TOP1: variants seen among roughly 807,000 people sequenced by gnomAD.
The protein encoded by TOP1 is DNA topoisomerase 1.
TOP1 carries 10 observed loss-of-function variants against 111.1 expected under a neutral mutation model. The ratio of observed to expected loss-of-function variants is 0.09; its 90% CI spans 0.06 to 0.15. The LOEUF (loss-of-function observed/expected upper bound fraction) is 0.15, where lower values mean the gene tolerates loss of function less well. Among genes scored for constraint, TOP1 ranks in the 10% least tolerant of loss-of-function variants. The pLI, the probability that TOP1 is intolerant of heterozygous loss-of-function variation, is 1.00. For missense variants in TOP1, 474 were observed against 926.7 expected (o/e 0.51, Z 6.34); for synonymous variants, 271 against 302.9 (o/e 0.89, Z 1.10).
At chr20:41,068,289 G>A (rs1032803567) in intron 3 of TOP1, among the ~76,000 whole-genome samples, 1 of 152,136 alleles carries the variant, frequency 6.6e-6, no homozygotes, top group Non-Finnish European at 1.5e-5. Context: ...TCTTTCTCTT[G>A]TCTGGCCTGT....
chr20:41,062,116 T>C (rs1162704183), intron 3 of TOP1, among the ~76,000 whole-genome samples: 2 of 152,194 alleles, frequency 1.3e-5, no homozygotes, highest in East Asian at 3.8e-4. Flanking sequence ...ATTTTTTTGG[T>C]GTAGGAGGCA....
chr20:41,086,478 A>C (rs1465456445), intron 8 of TOP1, among the ~76,000 whole-genome samples: 1 of 152,182 alleles, frequency 6.6e-6, no homozygotes, highest in Non-Finnish European at 1.5e-5. Context: ...TTACTCAATA[A>C]ATGCTTGTTA....
Position 41,121,609 on chromosome 20 carries a change from G to A in TOP1, c.1951-87G>A. Reference sequence around the variant, plus strand: ...GACAAACCACTGACAGAGACAGCCTGGTCCAGATAACATCTTGGTTTCACC... The same window carrying A: ...GACAAACCACTGACAGAGACAGCCTAGTCCAGATAACATCTTGGTTTCACC... On this transcript the variant is annotated intron_variant, in intron 18 of 20. Transcript: ENST00000361337. The surrounding 1 kb of genome is among the most constrained non-coding windows in gnomAD (Gnocchi z 4.2). 1 of 1,007,708 alleles carries A rather than the reference G, an allele frequency of 9.9e-7. No individual in the cohort carries two copies. The highest frequency in any genetic ancestry group is 1.6e-6 in the Non-Finnish European group (1 of 633,256). The allele number at this position is 1,007,708 out of a possible 1,614,324, so 62.4% of individuals were successfully genotyped here.
In TOP1 at chr20:41,106,676, A is replaced by G. The variant is rs1203130780; in HGVS notation, c.1308+5323A>G. Reference sequence around the variant, plus strand: ...GCTAATGTGAATGAGATTTTTTTCCATTATGTTTCTGTTGGTTATTCCTGA... The same window carrying G: ...GCTAATGTGAATGAGATTTTTTTCCGTTATGTTTCTGTTGGTTATTCCTGA... On this transcript the variant is annotated intron_variant, in intron 13 of 20. Coordinates refer to ENST00000361337, the MANE Select transcript of TOP1 (RefSeq NM_003286.4). This position sits in a 1 kb window ranked among gnomAD's most constrained non-coding sequence, Gnocchi z 4.3. Among the ~76,000 whole-genome samples, 2 of 151,814 alleles carry G rather than the reference A, an allele frequency of 1.3e-5. No individual in the cohort carries two copies. The highest frequency in any genetic ancestry group is 4.8e-5 in the African/African-American group (2 of 41,332).
Position 41,082,553 on chromosome 20 carries a change from C to A in TOP1, c.507+1313C>A, listed in dbSNP as rs1348752440. ...CCTCCCCTGGGACTTTGCTGATGCT[C>A]TAATTCTGCAAGGAGGGAGAAGAAA... On this transcript the variant is annotated intron_variant, in intron 7 of 20. Transcript: ENST00000361337. This position sits in a 1 kb window ranked among gnomAD's most constrained non-coding sequence, Gnocchi z 4.1. 2.0e-5 allele frequency among the ~76,000 whole-genome samples: 3 copies of A among 152,166 alleles called. No individual in the cohort carries two copies. Among genetic ancestry groups the A allele is most frequent in the Non-Finnish European group, 4.4e-5 (3 of 68,026 alleles).
rs2033075512 is a variant in TOP1 at position 41,028,908 on chromosome 20, C to A, written c.-160C>A. ...TCAGGCAGCGTCGCCGCCGTGGTAG[C>A]AGCCTCAGCCGTTTCTGGAGTCTCG... On this transcript the variant is annotated 5_prime_UTR_variant, in exon 1 of 21. Transcript: ENST00000361337. 1 of 589,606 alleles carries A rather than the reference C, an allele frequency of 1.7e-6. No individual in the cohort carries two copies. The highest frequency in any genetic ancestry group is 2.9e-6 in the Non-Finnish European group (1 of 340,870). 36.5% of individuals were successfully genotyped at this position (589,606 alleles called of 1,614,324 possible).
Position 41,029,496 on chromosome 20 carries a change from G to T in TOP1, c.58+41G>T. On this transcript the variant is annotated intron_variant, in intron 2 of 20. Coordinates refer to ENST00000361337, the MANE Select transcript of TOP1 (RefSeq NM_003286.4). The surrounding 1 kb of genome is among the most constrained non-coding windows in gnomAD (Gnocchi z 6.1). ...GCGCCGACTCCGGGGCCCCCCAGCC[G>T]CCGGCCGCCTCCCCCGCGCCCTGCC... The T allele has an allele frequency of 6.6e-7, 1 of 1,522,072 alleles. No homozygotes were observed. The highest frequency in any genetic ancestry group is 8.9e-7 in the Non-Finnish European group (1 of 1,125,306). 94.3% of individuals were successfully genotyped at this position (1,522,072 alleles called of 1,614,324 possible).
chr20:41,113,929 C>T, intron 14 of TOP1, 41 bp from the exon 15 acceptor site: 1 of 1,319,844 alleles, frequency 7.6e-7, no homozygotes, highest in Non-Finnish European at 1.1e-6. Flanking sequence ...AGGATCATGT[C>T]TCTTCCATTC....
intron 3 of TOP1, among the ~76,000 whole-genome samples, chr20:41,065,994 G>A (rs2033602018): frequency 6.6e-6 from 1 of 152,130 alleles, no homozygotes; most frequent in Admixed American, 6.5e-5. Context: ...CTTTGACCGT[G>A]AACAGTATCA....
At position 41,095,586 on chromosome 20, in the gene TOP1, C is replaced by T. The variant is rs2033971765; in HGVS notation, c.731-1634C>T. On this transcript the variant is annotated intron_variant, in intron 9 of 20. Transcript: ENST00000361337. The surrounding 1 kb of genome is among the most constrained non-coding windows in gnomAD (Gnocchi z 4.6). ...ACCTGTTGGCCTTTTAAGTTAATGG[C>T]GTCCAAAGTGGGTTCTTTCTATTAT... 1.3e-5 allele frequency among the ~76,000 whole-genome samples: 2 copies of T among 152,136 alleles called. No individual in the cohort carries two copies. Among genetic ancestry groups the T allele is most frequent in the African/African-American group, 4.8e-5 (2 of 41,422 alleles).
intron 2 of TOP1, among the ~76,000 whole-genome samples, chr20:41,041,030 A>G (rs2122595488): frequency 6.6e-6 from 1 of 152,232 alleles, no homozygotes; most frequent in East Asian, 1.9e-4. Context: ...TGGCATAGTC[A>G]CAGATACTCC....
intron 2 of TOP1, among the ~76,000 whole-genome samples, chr20:41,059,409 A>AAAATTAAT (rs2033515373): frequency 7.2e-6 from 1 of 138,044 alleles, no homozygotes; most frequent in Non-Finnish European, 1.6e-5. Context: ...AAACTGCTAG[A>AAAATTAAT]AAATAAATAA....
At position 41,099,487 on chromosome 20, in the gene TOP1, A is replaced by G. The variant is rs377668527; in HGVS notation, c.976-569A>G. ...AGCACAACTTAGTTAAACTGAATCAATAAGTATATAAAACGCAGAGTCAAT... is the reference window on the plus strand; with the variant it reads ...AGCACAACTTAGTTAAACTGAATCAGTAAGTATATAAAACGCAGAGTCAAT... On this transcript the variant is annotated intron_variant, in intron 11 of 20. Coordinates refer to ENST00000361337, the MANE Select transcript of TOP1 (RefSeq NM_003286.4). Among the ~76,000 whole-genome samples the G allele has an allele frequency of 2.6e-4, 39 of 152,320 alleles. No individual in the cohort carries two copies. The East Asian group carries it at 4.6e-3, about 18-fold the overall frequency.
At chr20:41,033,138 G>T (rs1233822395) in intron 2 of TOP1, among the ~76,000 whole-genome samples, 1 of 151,930 alleles carries the variant, frequency 6.6e-6, no homozygotes, top group African/African-American at 2.4e-5. Context: ...CAAATTTTAG[G>T]CTCGGATTGG....
At chr20:41,064,289 T>C (rs567052169) in intron 3 of TOP1, among the ~76,000 whole-genome samples, 14 of 152,270 alleles carry the variant, frequency 9.2e-5, no homozygotes, top group African/African-American at 3.4e-4. Context: ...TTTTGTACCA[T>C]TACCATGCTG....
At position 41,109,996 on chromosome 20, in the gene TOP1, T is replaced by C. The variant is rs1436057473; in HGVS notation, c.1309-2786T>C. 1.3e-5 allele frequency among the ~76,000 whole-genome samples: 2 copies of C among 152,130 alleles called. No homozygotes were observed. Among genetic ancestry groups the C allele is most frequent in the Non-Finnish European group, 2.9e-5 (2 of 68,018 alleles). On this transcript the variant is annotated intron_variant, in intron 13 of 20. Coordinates refer to ENST00000361337, the MANE Select transcript of TOP1 (RefSeq NM_003286.4). This position sits in a 1 kb window ranked among gnomAD's most constrained non-coding sequence, Gnocchi z 4.1. ...ACAACATGGATGAATCTTAAAAACA[T>C]GGTTAAGGGCCAGGTGCGGTTGGTG...
chr20:41,077,139 C>T (rs535251514), intron 4 of TOP1, among the ~76,000 whole-genome samples: 3 of 152,256 alleles, frequency 2.0e-5, no homozygotes, highest in East Asian at 3.9e-4. Flanking sequence ...GGGCTAGTCT[C>T]GAACTCCTGG....
chr20:41,116,186 T>C lies in TOP1; in HGVS notation c.1708-92T>C. 1 of 765,836 alleles carries C rather than the reference T, an allele frequency of 1.3e-6. No individual in the cohort carries two copies. The highest frequency in any genetic ancestry group is 2.2e-6 in the Non-Finnish European group (1 of 450,888). 47.4% of individuals were successfully genotyped at this position (765,836 alleles called of 1,614,324 possible). ...TTGTAGGGCAATAAACTTGACAAGA[T>C]TGTGACTGCACTGGCATAAATTACT... On this transcript the variant is annotated intron_variant, in intron 16 of 20. Transcript: ENST00000361337. The surrounding 1 kb of genome is among the most constrained non-coding windows in gnomAD (Gnocchi z 5.6).
intron 4 of TOP1, among the ~76,000 whole-genome samples, chr20:41,077,363 A>G (rs2145935864): frequency 6.6e-6 from 1 of 152,328 alleles, no homozygotes; most frequent in Middle Eastern, 3.4e-3. Flanking sequence ...TTTTTAAGGG[A>G]AACCTTTCTC....
Sources: allele counts gnomAD v4.1 joint callset (sites outside exome capture counted in the v4.1 genomes callset), GRCh38; gene constraint gnomAD v4.1.1; non-coding constraint Gnocchi (gnomAD v3.1); transcripts MANE v1.5; gene names NCBI Gene and HGNC (gene_info 2026-07-23, HGNC 2026-07-21).